Variants in USP40 observed in about 807,000 individuals in gnomAD.
The protein encoded by USP40 is ubiquitin carboxyl-terminal hydrolase 40.
In USP40, 143 loss-of-function variants were observed where a neutral mutation model predicts 166.2. The ratio of observed to expected loss-of-function variants is 0.86; its 90% CI spans 0.75 to 0.99. The LOEUF is 0.99. Among genes scored for constraint, USP40 ranks in the 50% least tolerant of loss-of-function variants. USP40 has a pLI of 0.00. For missense variants in USP40, 1,444 were observed against 1,479.7 expected (o/e 0.98, Z 0.40); for synonymous variants, 498 against 524.0 (o/e 0.95, Z 0.68).
In USP40 at chr2:233,486,254, G is replaced by T. The variant is rs2064940243; in HGVS notation, c.3198-277C>A. Among the ~76,000 whole-genome samples, 1 of 152,230 alleles carries T rather than the reference G, an allele frequency of 6.6e-6. No individual in the cohort carries two copies. The highest frequency in any genetic ancestry group is 1.5e-5 in the Non-Finnish European group (1 of 68,044). ...TTCCTCAGTGCGGGAGAAAAGGAAA[G>T]AGGTGGCGGCCTGAGCAGGTACGAT... On this transcript the variant is annotated intron_variant, in intron 28 of 31. Coordinates refer to ENST00000678225, the MANE Select transcript of USP40 (RefSeq NM_001365479.2). The surrounding 1 kb of genome is among the most constrained non-coding windows in gnomAD (Gnocchi z 4.0).
intron 21 of USP40, among the ~76,000 whole-genome samples, 169 bp downstream of exon 21, chr2:233,509,880 A>G (rs962713173): frequency 6.6e-6 from 1 of 150,662 alleles, no homozygotes; most frequent in African/African-American, 2.4e-5. Context: ...TGGTTCACCA[A>G]TTTTCAAGCT....
chr2:233,498,701 G>A, intron 22 of USP40, 89 bp from the exon 23 acceptor site: 1 of 1,087,074 alleles, frequency 9.2e-7, no homozygotes, highest in Admixed American at 2.3e-5. Context: ...TGCACCCAGA[G>A]CACCTTAACT....
chr2:233,501,279 G>A (rs1298050088), intron 21 of USP40, among the ~76,000 whole-genome samples: 1 of 152,186 alleles, frequency 6.6e-6, no homozygotes, highest in Non-Finnish European at 1.5e-5. Flanking sequence ...CTGAAGCACA[G>A]TGAGTAAGAG....
At chr2:233,554,309 T>C in intron 6 of USP40, 71 bp downstream of exon 6, 2 of 1,434,140 alleles carry the variant, frequency 1.4e-6, no homozygotes, top group Non-Finnish European at 9.2e-7. Context: ...TCCTCGAGAC[T>C]TTTTCATACA....
intron 30 of USP40, chr2:233,481,502 A>G: frequency 1.7e-6 from 1 of 572,338 alleles, no homozygotes; most frequent in Non-Finnish European, 3.1e-6. Flanking sequence ...AAGGGAAATT[A>G]ATTTCCAGCC....
At position 233,485,616 on chromosome 2, in the gene USP40, A is replaced by G. The variant is rs1250133402; in HGVS notation, c.3419T>C (p.Ile1140Thr). Reference sequence around the variant, plus strand: ...TTTTTTTTTCTTTTTCCTCTTGGTTATTTGTTGGTTCTATGGGAAAATCAA... The same window carrying G: ...TTTTTTTTTCTTTTTCCTCTTGGTTGTTTGTTGGTTCTATGGGAAAATCAA... ...WLPISSWNQQITKRKKKKKQD... is the reference protein window; with the variant it reads ...WLPISSWNQQTTKRKKKKKQD... The change falls in exon 30 of 32, where the codon ATA (isoleucine) becomes ACA (threonine). Residue 1140 changes from isoleucine to threonine, a missense_variant. Physicochemically the swap from Ile to Thr is moderately conservative, Grantham distance 89. Transcript: ENST00000678225. 6.2e-7 allele frequency: 1 copy of G among 1,612,292 alleles called. No individual in the cohort carries two copies. The highest frequency in any genetic ancestry group is 1.3e-5 in the African/African-American group (1 of 74,460).
chr2:233,507,215 C>T (rs1211178128), intron 21 of USP40, among the ~76,000 whole-genome samples: 2 of 152,176 alleles, frequency 1.3e-5, no homozygotes, highest in Non-Finnish European at 2.9e-5. Context: ...CATTTATGCA[C>T]TGTCGGTGAG....
intron 3 of USP40, among the ~76,000 whole-genome samples, chr2:233,561,450 A>G (rs2071602207): frequency 6.6e-6 from 1 of 150,958 alleles, no homozygotes; most frequent in South Asian, 2.1e-4. Flanking sequence ...CAAACCTGAG[A>G]AAAACAAGCA....
intron 8 of USP40, among the ~76,000 whole-genome samples, chr2:233,543,387 C>A (rs1292672008): frequency 6.6e-6 from 1 of 152,142 alleles, no homozygotes; most frequent in African/African-American, 2.4e-5. Context: ...TCAGGGAAAA[C>A]TCTTCTGAGG....
intron 8 of USP40, chr2:233,546,861 G>A (rs530186941): frequency 5.3e-5 from 8 of 152,320 alleles, no homozygotes; most frequent in African/African-American, 1.7e-4. Flanking sequence ...TAGTTTGAGG[G>A]AAGGTATAAC....
intron 13 of USP40, 138 bp from the exon 14 acceptor site, chr2:233,525,700 C>T (rs766635326): frequency 2.5e-5 from 14 of 564,650 alleles, no homozygotes; most frequent in African/African-American, 3.8e-5. Flanking sequence ...CACCCAACAC[C>T]GAAAACTTGA....
At chr2:233,509,036 A>G (rs1457624100) in intron 21 of USP40, among the ~76,000 whole-genome samples, 2 of 152,080 alleles carry the variant, frequency 1.3e-5, no homozygotes, top group African/African-American at 4.8e-5. Flanking sequence ...CCTGACCTAG[A>G]TATATAACCA....
chr2:233,499,375 T>C (rs1483623520), intron 22 of USP40, among the ~76,000 whole-genome samples: 1 of 152,218 alleles, frequency 6.6e-6, no homozygotes, highest in Non-Finnish European at 1.5e-5. Context: ...TTCCATGGTA[T>C]ATATGTACCA....
intron 15 of USP40, among the ~76,000 whole-genome samples, chr2:233,523,837 C>A (rs2067826818): frequency 6.6e-6 from 1 of 152,044 alleles, no homozygotes; most frequent in African/African-American, 2.4e-5. Context: ...CAAACCACCC[C>A]CACTCCCCAA....
At position 233,493,469 on chromosome 2, in the gene USP40, C is replaced by G; in HGVS notation, c.2873G>C (p.Cys958Ser). Reference protein sequence around the residue: ...HWESHQDQTNCTSSWGRVWRA... With the variant: ...HWESHQDQTNSTSSWGRVWRA... ...CCAAACTCTGCCCCAAGACGAAGTA[C>G]AGTTGGTCTGGTCCTGATGACTCTC... The change falls in exon 25 of 32, where the codon TGT becomes TCT. Residue 958 changes from cysteine to serine, a missense_variant. Cys to Ser is a moderately radical substitution (Grantham distance 112). Transcript: ENST00000678225. The surrounding 1 kb of genome is among the most constrained non-coding windows in gnomAD (Gnocchi z 4.7). 1.2e-6 allele frequency: 2 copies of G among 1,613,950 alleles called. No homozygotes were observed. Among genetic ancestry groups the G allele is most frequent in the African/African-American group, 1.3e-5 (1 of 75,044 alleles).
intron 10 of USP40, among the ~76,000 whole-genome samples, chr2:233,538,780 G>A (rs981354962): frequency 6.6e-6 from 1 of 152,186 alleles, no homozygotes; most frequent in African/African-American, 2.4e-5. Flanking sequence ...ACTTTGGGAG[G>A]CCAAGGTGGG....
At chr2:233,532,915 T>A (rs139775620) in intron 11 of USP40, among the ~76,000 whole-genome samples, 437 of 151,248 alleles carry the variant, frequency 2.9e-3, no homozygotes, top group Non-Finnish European at 5.2e-3. Flanking sequence ...GACGAGAGAG[T>A]GAGGCTGCAT....
chr2:233,514,288 G>C (rs187763474), intron 18 of USP40, among the ~76,000 whole-genome samples: 39 of 152,286 alleles, frequency 2.6e-4, no homozygotes, highest in African/African-American at 8.2e-4. Flanking sequence ...AAAAGTACAG[G>C]GTGTTAGGAG....
intron 21 of USP40, 71 bp downstream of exon 21, chr2:233,509,978 G>A (rs2066690370): frequency 8.2e-7 from 1 of 1,215,192 alleles, no homozygotes; most frequent in Admixed American, 2.0e-5. Flanking sequence ...CTTAACACAG[G>A]ATACCACTGT....
Sources: allele counts gnomAD v4.1 joint callset (sites outside exome capture counted in the v4.1 genomes callset), GRCh38; gene constraint gnomAD v4.1.1; non-coding constraint Gnocchi (gnomAD v3.1); transcripts MANE v1.5; gene names NCBI Gene and HGNC (gene_info 2026-07-23, HGNC 2026-07-21).